Variants in TENM3 observed in about 807,000 individuals in gnomAD.
TENM3 encodes teneurin transmembrane protein 3.
TENM3 carries 63 observed loss-of-function variants against 255.1 expected under a neutral mutation model. The ratio of observed to expected loss-of-function variants is 0.25; its 90% CI spans 0.20 to 0.30. The LOEUF (loss-of-function observed/expected upper bound fraction) is 0.30, where lower values mean the gene tolerates loss of function less well. Ranked by LOEUF, TENM3 falls within the 10% of genes least tolerant of loss-of-function variation. The probability of loss-of-function intolerance (pLI) is 1.00; values close to 1 mark genes in which losing one functional copy is unlikely to be tolerated. For missense variants in TENM3, 2,929 were observed against 3,461.1 expected, an observed-to-expected ratio of 0.85 and a Z score of 3.86; for synonymous variants, 1,306 against 1,322.3, an observed-to-expected ratio of 0.99 and a Z score of 0.27.
chr4:182,585,952 C>G (rs1745980754), intron 3 of TENM3, among the ~76,000 whole-genome samples: 1 of 152,166 alleles, frequency 6.6e-6, no homozygotes, highest in African/African-American at 2.4e-5. Context: ...ATGTTTACTA[C>G]TATTTTAAAA....
chr4:181,935,003 T>G, the TENM3 span, among the ~76,000 whole-genome samples: 1 of 152,218 alleles, frequency 6.6e-6, no homozygotes, highest in African/African-American at 2.4e-5. Context: ...CCTGAGAAAT[T>G]TATCCAAGGA....
the TENM3 span, among the ~76,000 whole-genome samples, chr4:181,803,158 T>C: frequency 2.6e-5 from 4 of 152,196 alleles, no homozygotes; most frequent in Non-Finnish European, 4.4e-5. Context: ...ATATCCACTG[T>C]GTAAGCCACA....
chr4:181,550,309 A>G, the TENM3 span, among the ~76,000 whole-genome samples: 4 of 152,254 alleles, frequency 2.6e-5, no homozygotes, highest in Non-Finnish European at 5.9e-5. Context: ...TACTTTGATC[A>G]TAGCCAATGA....
chr4:182,561,979 G>A (rs1207844178), intron 3 of TENM3, among the ~76,000 whole-genome samples: 1 of 138,620 alleles, frequency 7.2e-6, no homozygotes, highest in Non-Finnish European at 1.6e-5. Context: ...CAGATAGATA[G>A]ATAGACAGAT....
chr4:181,924,944 A>T, the TENM3 span, among the ~76,000 whole-genome samples: 1 of 152,246 alleles, frequency 6.6e-6, no homozygotes, highest in Non-Finnish European at 1.5e-5. Flanking sequence ...ATAATCTTAT[A>T]AACGGCAGGT....
intron 12 of TENM3, among the ~76,000 whole-genome samples, chr4:182,693,275 T>A (rs1164594805): frequency 6.6e-6 from 1 of 152,202 alleles, no homozygotes; most frequent in Non-Finnish European, 1.5e-5. Flanking sequence ...TTTGACATTT[T>A]AAATAAAATG....
the TENM3 span, among the ~76,000 whole-genome samples, chr4:182,026,853 G>T: frequency 6.6e-6 from 1 of 152,048 alleles, no homozygotes; most frequent in African/African-American, 2.4e-5. Flanking sequence ...ATGCTGTTTT[G>T]GTTACTATAA....
At chr4:182,321,721 G>A (rs140996136) in intron 1 of TENM3, among the ~76,000 whole-genome samples, 2,384 of 152,046 alleles carry the variant, frequency 0.016, 56 homozygotes, top group African/African-American at 0.054. Flanking sequence ...TGAAGTGGGC[G>A]GATCACGAGG....
intron 4 of TENM3, among the ~76,000 whole-genome samples, chr4:182,621,005 C>G (rs1404445354): frequency 6.6e-6 from 1 of 152,118 alleles, no homozygotes; most frequent in Non-Finnish European, 1.5e-5. Flanking sequence ...CAAAGTGAAA[C>G]CTCGTCTCTA....
At chr4:181,693,514 T>C in the TENM3 span, among the ~76,000 whole-genome samples, 4 of 152,180 alleles carry the variant, frequency 2.6e-5, no homozygotes, top group Non-Finnish European at 4.4e-5. Flanking sequence ...AGAGTGCAGT[T>C]ATGTAGTCCC....
the TENM3 span, among the ~76,000 whole-genome samples, chr4:181,907,121 G>T: frequency 6.6e-6 from 1 of 152,208 alleles, no homozygotes; most frequent in Admixed American, 6.5e-5. Context: ...CCTGACCTCA[G>T]GTTATTCGCC....
the TENM3 span, among the ~76,000 whole-genome samples, chr4:181,633,396 T>C: frequency 6.6e-6 from 1 of 152,258 alleles, no homozygotes; most frequent in East Asian, 1.9e-4. Flanking sequence ...ACTTGTATAT[T>C]TGGGTAATAG....
chr4:182,519,947 G>A (rs1299762404), intron 3 of TENM3, among the ~76,000 whole-genome samples: 2 of 152,050 alleles, frequency 1.3e-5, no homozygotes, highest in African/African-American at 2.4e-5. Flanking sequence ...GACTACCAAT[G>A]TTTATAGGAT....
intron 6 of TENM3, among the ~76,000 whole-genome samples, chr4:182,663,893 G>A (rs183672066): frequency 1.3e-5 from 2 of 150,576 alleles, no homozygotes; most frequent in Admixed American, 6.6e-5. Context: ...TCCTTTTCCC[G>A]GTTTCTGTGT....
the TENM3 span, among the ~76,000 whole-genome samples, chr4:181,857,936 C>G: frequency 6.6e-6 from 1 of 152,162 alleles, no homozygotes; most frequent in Non-Finnish European, 1.5e-5. Flanking sequence ...TCCTGCTAGG[C>G]AGTTGTAACC....
upstream of TENM3, among the ~76,000 whole-genome samples, chr4:182,139,280 C>T (rs532272562): frequency 3.3e-5 from 5 of 152,082 alleles, no homozygotes; most frequent in Non-Finnish European, 7.4e-5. Flanking sequence ...CCAGGGGCCC[C>T]GGATGCAGAG....
intron 2 of TENM3, among the ~76,000 whole-genome samples, chr4:182,335,495 A>AG (rs1021545450): frequency 1.5e-3 from 6 of 4,030 alleles, no homozygotes; most frequent in African/African-American, 6.9e-3. Flanking sequence ...ACTCCGCCTC[A>AG]AAAAAAAAAA....
intron 3 of TENM3, among the ~76,000 whole-genome samples, chr4:182,470,008 G>A (rs1732964008): frequency 6.6e-6 from 1 of 152,154 alleles, no homozygotes; most frequent in Non-Finnish European, 1.5e-5. Flanking sequence ...TTTTAGAAAT[G>A]AGTAATGAAA....
At chr4:182,289,289 A>G (rs1273396826) in intron 1 of TENM3, among the ~76,000 whole-genome samples, 1 of 152,248 alleles carries the variant, frequency 6.6e-6, no homozygotes, top group African/African-American at 2.4e-5. Context: ...CATGATGTGT[A>G]ATGAAACATT....
Sources: allele counts gnomAD v4.1 joint callset (sites outside exome capture counted in the v4.1 genomes callset), GRCh38; gene constraint gnomAD v4.1.1; transcripts MANE v1.5; gene names NCBI Gene and HGNC (gene_info 2026-07-23, HGNC 2026-07-21).